The following SDCBP variants were observed in gnomAD, a reference collection of about 807,000 sequenced individuals.
SDCBP encodes syntenin-1.
In SDCBP, 22 loss-of-function variants were observed where a neutral mutation model predicts 30.5. That is an observed-to-expected ratio of 0.72 (90% CI 0.52 to 1.03). The LOEUF (loss-of-function observed/expected upper bound fraction) is 1.03. Ranked by LOEUF, SDCBP falls within the 50% of genes least tolerant of loss-of-function variation. The probability of loss-of-function intolerance (pLI) is 0.00; values close to 1 mark genes in which losing one functional copy is unlikely to be tolerated. For missense variants in SDCBP, 304 were observed against 369.9 expected, an observed-to-expected ratio of 0.82 and a Z score of 1.46; for synonymous variants, 103 against 118.7, an observed-to-expected ratio of 0.87 and a Z score of 0.86.
chr8:58,581,292 C>A (rs150155939), intron 8 of SDCBP, among the ~76,000 whole-genome samples: 428 of 152,280 alleles, frequency 2.8e-3, no homozygotes, highest in African/African-American at 0.01. Flanking sequence ...ATGCACCTAG[C>A]TACCCTTGGA....
Position 58,581,833 on chromosome 8 carries a change from C to T in SDCBP, c.*93C>T. On this transcript the variant is annotated 3_prime_UTR_variant, in exon 9 of 9. Transcript: ENST00000260130. ...GCACGTGAAGCCTTCCCGGAGCCAG[C>T]GAGCATATGCTGCATGAGGACCTTT... is the stretch of plus-strand genomic sequence containing the variant. 6.2e-6 allele frequency: 6 copies of T among 968,068 alleles called. No homozygotes were observed. Among genetic ancestry groups the T allele is most frequent in the Non-Finnish European group, 8.3e-6 (5 of 598,812 alleles). 60.0% of individuals were successfully genotyped at this position (968,068 alleles called of 1,614,324 possible).
chr8:58,563,065 G>T (rs1804521592), intron 1 of SDCBP, among the ~76,000 whole-genome samples: 1 of 152,094 alleles, frequency 6.6e-6, no homozygotes, highest in Admixed American at 6.6e-5. Flanking sequence ...TATTCCAAGA[G>T]AATTAAAGAT....
intron 7 of SDCBP, among the ~76,000 whole-genome samples, chr8:58,580,288 ATAT>A (rs1162453820): frequency 6.6e-6 from 1 of 152,190 alleles, no homozygotes; most frequent in Non-Finnish European, 1.5e-5. Flanking sequence ...AAATTATCTA[ATAT>A]TCAGAAAGGA....
At chr8:58,560,075 G>A (rs1228762007) in intron 1 of SDCBP, among the ~76,000 whole-genome samples, 1 of 152,142 alleles carries the variant, frequency 6.6e-6, no homozygotes, top group Non-Finnish European at 1.5e-5. Flanking sequence ...TGAAAACAAA[G>A]TTGACAGTTT....
chr8:58,582,063 G>A lies in SDCBP; in HGVS notation c.*323G>A, dbSNP rs1050503956. The A allele has an allele frequency of 6.8e-6, 2 of 293,886 alleles. No homozygotes were observed. Among genetic ancestry groups the A allele is most frequent in the African/African-American group, 4.4e-5 (2 of 45,450 alleles). 18.2% of individuals were successfully genotyped at this position (293,886 alleles called of 1,614,324 possible). ...GACTGTTACAGGCTTAGCTTTGTGT[G>A]AAAACCAGTCACCTTTCTCCTAGGT... On this transcript the variant is annotated 3_prime_UTR_variant, in exon 9 of 9. Coordinates refer to ENST00000260130, the MANE Select transcript of SDCBP (RefSeq NM_005625.4).
intron 1 of SDCBP, among the ~76,000 whole-genome samples, chr8:58,554,003 T>A (rs1445150303): frequency 6.6e-6 from 1 of 152,196 alleles, no homozygotes; most frequent in Non-Finnish European, 1.5e-5. Context: ...CTTTCAGGAT[T>A]TCCTTGTAAT....
chr8:58,559,497 T>G (rs919549270), intron 1 of SDCBP, among the ~76,000 whole-genome samples: 2 of 152,188 alleles, frequency 1.3e-5, no homozygotes, highest in Non-Finnish European at 2.9e-5. Context: ...ATTCACTTTG[T>G]TCTCCTGGAT....
chr8:58,555,651 C>T (rs1053655948), intron 1 of SDCBP, among the ~76,000 whole-genome samples: 1 of 152,048 alleles, frequency 6.6e-6, no homozygotes, highest in Non-Finnish European at 1.5e-5. Context: ...CTCTGGAAGA[C>T]TGCTTAGGAT....
intron 8 of SDCBP, 40 bp from the exon 9 acceptor site, chr8:58,581,646 A>C: frequency 3.9e-6 from 6 of 1,524,778 alleles, no homozygotes; most frequent in Non-Finnish European, 5.4e-6. Flanking sequence ...AAAAACAAAA[A>C]CCAGAATCTC....
At chr8:58,555,710 T>C (rs1378327599) in intron 1 of SDCBP, among the ~76,000 whole-genome samples, 1 of 152,044 alleles carries the variant, frequency 6.6e-6, no homozygotes, top group African/African-American at 2.4e-5. Flanking sequence ...CTGGAATGCT[T>C]ACTATCTGGG....
chr8:58,566,551 A>G (rs1217700382), intron 2 of SDCBP, among the ~76,000 whole-genome samples: 1 of 152,224 alleles, frequency 6.6e-6, no homozygotes, highest in African/African-American at 2.4e-5. Context: ...TTATGTTCAG[A>G]GCAGAAAGCA....
In SDCBP at chr8:58,581,868, A is replaced by G. The variant is rs570780186; in HGVS notation, c.*128A>G. 15 of 717,538 alleles carry G rather than the reference A, an allele frequency of 2.1e-5. No homozygotes were observed. The East Asian group carries it at 3.9e-4, about 19-fold the overall frequency. 44.4% of individuals were successfully genotyped at this position (717,538 alleles called of 1,614,324 possible). ...CTGCATGAGGACCTTTCTATCTTACATTATGGCTGGGAATCTTACTCTTTC... is the reference window on the plus strand; with the variant it reads ...CTGCATGAGGACCTTTCTATCTTACGTTATGGCTGGGAATCTTACTCTTTC... On this transcript the variant is annotated 3_prime_UTR_variant, in exon 9 of 9. Transcript: ENST00000260130.
At chr8:58,577,638 C>T (rs945671783) in intron 5 of SDCBP, among the ~76,000 whole-genome samples, 12 of 152,146 alleles carry the variant, frequency 7.9e-5, no homozygotes, top group Non-Finnish European at 5.9e-5. Flanking sequence ...ACTCGCTTTT[C>T]CCCTAAATAT....
At chr8:58,554,956 G>T (rs1159277596) in intron 1 of SDCBP, among the ~76,000 whole-genome samples, 1 of 152,100 alleles carries the variant, frequency 6.6e-6, no homozygotes, top group Non-Finnish European at 1.5e-5. Flanking sequence ...CTTCTGGCAG[G>T]CAGGCAACTT....
chr8:58,576,814 C>G (rs1019394853), intron 5 of SDCBP, among the ~76,000 whole-genome samples: 1 of 152,218 alleles, frequency 6.6e-6, no homozygotes, highest in Non-Finnish European at 1.5e-5. Flanking sequence ...TCATACATCT[C>G]TAGCTTAGTG....
intron 3 of SDCBP, among the ~76,000 whole-genome samples, 199 bp from the exon 4 acceptor site, chr8:58,572,006 G>A (rs1290297282): frequency 1.3e-5 from 2 of 152,122 alleles, no homozygotes; most frequent in Non-Finnish European, 2.9e-5. Context: ...CATATTTTAC[G>A]AATTTTAAAC....
intron 1 of SDCBP, among the ~76,000 whole-genome samples, chr8:58,554,994 A>C (rs1034986902): frequency 6.6e-6 from 1 of 151,832 alleles, no homozygotes; most frequent in Admixed American, 6.6e-5. Flanking sequence ...ATTCTAGGCA[A>C]ATTTTATATC....
intron 2 of SDCBP, among the ~76,000 whole-genome samples, chr8:58,566,827 A>G (rs998980754): frequency 6.6e-6 from 1 of 152,210 alleles, no homozygotes; most frequent in African/African-American, 2.4e-5. Flanking sequence ...AATTACAGCA[A>G]TGAACCAACC....
At chr8:58,572,128 G>A (rs1018587527) in intron 3 of SDCBP, 77 bp from the exon 4 acceptor site, 53 of 809,304 alleles carry the variant, frequency 6.5e-5, no homozygotes, top group South Asian at 1.7e-4. Context: ...TTGTTAATAC[G>A]CAGAAGCCCA....
Sources: allele counts gnomAD v4.1 joint callset (sites outside exome capture counted in the v4.1 genomes callset), GRCh38; gene constraint gnomAD v4.1.1; transcripts MANE v1.5; gene names NCBI Gene and HGNC (gene_info 2026-07-23, HGNC 2026-07-21).